Variants in TCTN3 observed in about 807,000 individuals in gnomAD.
The protein encoded by TCTN3 is tectonic family member 3.
Under a neutral mutation model 71.3 loss-of-function variants are expected in TCTN3, and 57 were observed. The ratio of observed to expected loss-of-function variants is 0.80; its 90% CI spans 0.65 to 1.00. The LOEUF (loss-of-function observed/expected upper bound fraction) is 1.00. Ranked by LOEUF, TCTN3 falls within the 50% of genes least tolerant of loss-of-function variation. TCTN3 has a pLI of 0.00. For synonymous variants in TCTN3, 258 were observed against 267.8 expected (o/e 0.96, Z 0.36); for missense variants, 696 against 719.9 (o/e 0.97, Z 0.38).
intron 13 of TCTN3, among the ~76,000 whole-genome samples, chr10:95,679,381 G>A (rs2097940509): frequency 6.6e-6 from 1 of 152,140 alleles, no homozygotes; most frequent in Non-Finnish European, 1.5e-5. Flanking sequence ...TAGGCAAAGA[G>A]AAATAACTTG....
intron 13 of TCTN3, among the ~76,000 whole-genome samples, chr10:95,666,415 G>GA (rs2097925758): frequency 6.6e-6 from 1 of 152,078 alleles, no homozygotes; most frequent in South Asian, 2.1e-4. Flanking sequence ...ACTAATCAGA[G>GA]AAAGAAAATG....
chr10:95,693,251 A>G, intron 2 of TCTN3, 102 bp downstream of exon 2: 2 of 1,497,644 alleles, frequency 1.3e-6, no homozygotes, highest in Non-Finnish European at 1.8e-6. Flanking sequence ...TAGGAGTGGA[A>G]GTACGGGTGG....
chr10:95,682,869 G>T lies in TCTN3; in HGVS notation c.1299-65C>A, dbSNP rs938841371. ...CATAATAATATACCTATATTAGTAC[G>T]GTATGTTAAACCAAACATTGGAAAT... On this transcript the variant is annotated intron_variant, in intron 11 of 13. Coordinates refer to ENST00000371217, the MANE Select transcript of TCTN3 (RefSeq NM_015631.6). 2.5e-5 allele frequency: 38 copies of T among 1,536,206 alleles called. No homozygotes were observed. The African/African-American group carries it at 4.8e-4, about 20-fold the overall frequency.
chr10:95,673,242 C>G (rs2097933528), intron 13 of TCTN3, among the ~76,000 whole-genome samples: 1 of 151,958 alleles, frequency 6.6e-6, no homozygotes, highest in Non-Finnish European at 1.5e-5. Flanking sequence ...TGTTTCTTGT[C>G]TAAGAAATCT....
chr10:95,692,857 G>C, intron 3 of TCTN3, 63 bp downstream of exon 3: 2 of 1,236,558 alleles, frequency 1.6e-6, no homozygotes, highest in South Asian at 2.4e-5. Flanking sequence ...ATGTGGGCCA[G>C]GGAAGACAAA....
At chr10:95,666,795 T>C (rs2097926148) in intron 13 of TCTN3, among the ~76,000 whole-genome samples, 3 of 152,186 alleles carry the variant, frequency 2.0e-5, no homozygotes, top group African/African-American at 7.2e-5. Context: ...AACTGCCCAC[T>C]AGCAGTCCCA....
chr10:95,688,399 AAAAAAAAAAAAAAAAAAAAG>A (rs2097950587), intron 3 of TCTN3, among the ~76,000 whole-genome samples: 1 of 4,164 alleles, frequency 2.4e-4, no homozygotes, highest in Non-Finnish European at 2.0e-3. Context: ...AAAAAAAAGA[AAAAAAAAAAAAAAAAAAAAG>A]AAAAAAAAAG....
chr10:95,683,224 A>C lies in TCTN3; in HGVS notation c.1204-29T>G, dbSNP rs770885799. On this transcript the variant is annotated intron_variant, in intron 10 of 13. Coordinates refer to ENST00000371217, the MANE Select transcript of TCTN3 (RefSeq NM_015631.6). ...AGGTGGAAAAGTGATGATCAAGGACATCATAACAGAAAAAAAAAGGAGGCA... is the reference window on the plus strand; with the variant it reads ...AGGTGGAAAAGTGATGATCAAGGACCTCATAACAGAAAAAAAAAGGAGGCA... The C allele has an allele frequency of 2.5e-6, 4 of 1,591,684 alleles. No homozygotes were observed. The South Asian group carries it at 4.6e-5, about 18-fold the overall frequency.
intron 13 of TCTN3, among the ~76,000 whole-genome samples, chr10:95,668,605 C>A (rs2097927927): frequency 6.6e-6 from 1 of 151,544 alleles, no homozygotes; most frequent in Non-Finnish European, 1.5e-5. Flanking sequence ...TATTTTCAGA[C>A]AATGTGAACT....
intron 11 of TCTN3, 33 bp from the exon 12 acceptor site, chr10:95,682,837 A>G (rs1367360316): frequency 6.2e-6 from 10 of 1,602,668 alleles, no homozygotes; most frequent in African/African-American, 5.4e-5. Flanking sequence ...CTGCAGTCCA[A>G]TGCTAACATA....
intron 8 of TCTN3, 82 bp from the exon 9 acceptor site, chr10:95,684,706 G>A: frequency 2.0e-6 from 3 of 1,494,044 alleles, no homozygotes; most frequent in South Asian, 1.3e-5. Flanking sequence ...TGTCTTCAAG[G>A]GTGTTATTAT....
intron 3 of TCTN3, among the ~76,000 whole-genome samples, chr10:95,688,869 C>A (rs2097951146): frequency 6.6e-6 from 1 of 152,124 alleles, no homozygotes; most frequent in Non-Finnish European, 1.5e-5. Flanking sequence ...AGGTGATTGA[C>A]AACACTCTGT....
intron 7 of TCTN3, 34 bp downstream of exon 7, chr10:95,686,461 C>A: frequency 1.2e-6 from 2 of 1,612,312 alleles, no homozygotes; most frequent in Non-Finnish European, 1.7e-6. Context: ...GCCAAATATT[C>A]TTTTTCTTTT....
chr10:95,666,145 T>C (rs758677630), intron 13 of TCTN3, among the ~76,000 whole-genome samples: 5 of 151,954 alleles, frequency 3.3e-5, no homozygotes, highest in Non-Finnish European at 7.4e-5. Context: ...TTTCACAGTG[T>C]CCAGCCAGGA....
At chr10:95,671,652 T>C (rs966850845) in intron 13 of TCTN3, among the ~76,000 whole-genome samples, 1 of 152,276 alleles carries the variant, frequency 6.6e-6, no homozygotes, top group African/African-American at 2.4e-5. Context: ...TTGGTACAAG[T>C]GTCTAACTCA....
At position 95,693,883 on chromosome 10, in the gene TCTN3, A is replaced by G. The variant is rs990875124; in HGVS notation, c.17T>C (p.Leu6Pro). ...CAGAAAGAACACTTGCAGGAGCGCGAGCTGTGGGGTGCGCATGGGGCATTC... is the reference window on the plus strand; with the variant it reads ...CAGAAAGAACACTTGCAGGAGCGCGGGCTGTGGGGTGCGCATGGGGCATTC... MRTPQLALLQVFFLVF... is the reference protein window; with the variant it reads MRTPQPALLQVFFLVF... The change falls in exon 1 of 14, where the codon CTC becomes CCC. Residue 6 changes from leucine (L) to proline (P), a missense_variant. By Grantham distance (98) the Leu-to-Pro change is moderately conservative. Transcript: ENST00000371217. 1 of 1,551,504 alleles carries G rather than the reference A, an allele frequency of 6.4e-7. No homozygotes were observed. The highest frequency in any genetic ancestry group is 8.7e-7 in the Non-Finnish European group (1 of 1,146,970).
At chr10:95,665,341 C>A (rs2097924708) in intron 13 of TCTN3, among the ~76,000 whole-genome samples, 1 of 152,096 alleles carries the variant, frequency 6.6e-6, no homozygotes, top group African/African-American at 2.4e-5. Flanking sequence ...TGCAGTGACA[C>A]AATCTTGGCT....
chr10:95,665,197 C>T (rs1218728268), intron 13 of TCTN3, among the ~76,000 whole-genome samples: 1 of 152,168 alleles, frequency 6.6e-6, no homozygotes, highest in Admixed American at 6.5e-5. Context: ...CAGCCTTGAC[C>T]TCCTGGGCTC....
chr10:95,675,118 G>C (rs2097935668), intron 13 of TCTN3, among the ~76,000 whole-genome samples: 1 of 152,058 alleles, frequency 6.6e-6, no homozygotes, highest in African/African-American at 2.4e-5. Flanking sequence ...TTTGAAACAG[G>C]GTCTCGCTCT....
Sources: gnomAD v4.1 joint callset for allele counts (sites outside exome capture counted in the v4.1 genomes callset) on GRCh38, gnomAD v4.1.1 for gene constraint, MANE v1.5 for transcripts, NCBI Gene and HGNC (gene_info 2026-07-23, HGNC 2026-07-21) for gene names.